RNLS: variants seen among roughly 807,000 people sequenced by gnomAD.
RNLS encodes renalase, FAD dependent amine oxidase.
A neutral mutation model predicts 39.8 loss-of-function variants in RNLS; 39 were observed. The ratio of observed to expected loss-of-function variants is 0.98; its 90% CI spans 0.76 to 1.28. RNLS has a LOEUF of 1.28. RNLS is among the 50% of genes most tolerant of loss of function. The probability of loss-of-function intolerance (pLI) is 0.00; values close to 1 mark genes in which losing one functional copy is unlikely to be tolerated. For missense variants in RNLS, 410 were observed against 413.3 expected, an observed-to-expected ratio of 0.99 and a Z score of 0.07; for synonymous variants, 147 against 150.7, an observed-to-expected ratio of 0.98 and a Z score of 0.18.
intron 5 of RNLS, among the ~76,000 whole-genome samples, chr10:88,356,296 C>T (rs1849178671): frequency 6.6e-6 from 1 of 152,200 alleles, no homozygotes; most frequent in African/African-American, 2.4e-5. Context: ...AATCACCTGT[C>T]TTCTGCGTTA....
the RNLS span, among the ~76,000 whole-genome samples, chr10:88,235,903 C>T: frequency 3.3e-5 from 5 of 151,932 alleles, no homozygotes. Flanking sequence ...GCTATCGCTG[C>T]TTACTCTAGC....
chr10:88,209,525 G>C, the RNLS span, among the ~76,000 whole-genome samples: 9 of 152,150 alleles, frequency 5.9e-5, no homozygotes, highest in Admixed American at 5.9e-4. Context: ...TTTAGAGAGA[G>C]AGCATGGCCT....
downstream of RNLS, among the ~76,000 whole-genome samples, chr10:88,273,196 C>T (rs1157878870): frequency 6.6e-6 from 1 of 152,196 alleles, no homozygotes; most frequent in Non-Finnish European, 1.5e-5. Flanking sequence ...CAATCACTTT[C>T]CTACTGCTGC....
chr10:88,551,665 G>A (rs997697069), intron 4 of RNLS, among the ~76,000 whole-genome samples: 1 of 151,896 alleles, frequency 6.6e-6, no homozygotes, highest in Non-Finnish European at 1.5e-5. Context: ...GGAAGAGACT[G>A]GAGAAAATGA....
Position 88,487,487 on chromosome 10 carries a change from A to C in RNLS, c.526+85416T>G, listed in dbSNP as rs141084246. Reference sequence around the variant, plus strand: ...ATAAGCACATGAAATAATGTTCTACATCATCAGTTATTACAGAAATATAAA... The same window carrying C: ...ATAAGCACATGAAATAATGTTCTACCTCATCAGTTATTACAGAAATATAAA... On this transcript the variant is annotated intron_variant, in intron 4 of 6. Transcript: ENST00000331772. Among the ~76,000 whole-genome samples the C allele has an allele frequency of 8.5e-3, 1,289 of 152,324 alleles. 11 individuals are homozygous for C. The highest frequency in any genetic ancestry group is 0.016 in the Admixed American group (246 of 15,280).
intron 4 of RNLS, among the ~76,000 whole-genome samples, chr10:88,518,281 G>A (rs1184418903): frequency 6.6e-6 from 1 of 151,696 alleles, no homozygotes; most frequent in East Asian, 1.9e-4. Flanking sequence ...GTAACCCACA[G>A]GCAAAATATA....
chr10:88,525,553 G>A (rs1308202640), intron 4 of RNLS, among the ~76,000 whole-genome samples: 1 of 152,020 alleles, frequency 6.6e-6, no homozygotes, highest in Non-Finnish European at 1.5e-5. Flanking sequence ...GTATGTAGTA[G>A]TGCAGTTACT....
rs114783127 is a variant in RNLS at position 88,328,365 on chromosome 10, T to C, written c.701-13724A>G. Among the ~76,000 whole-genome samples the C allele has an allele frequency of 8.9e-3, 1,358 of 152,306 alleles. 18 individuals are homozygous for C. The highest frequency in any genetic ancestry group is 0.027 in the African/African-American group (1,120 of 41,552). ...AATTTCTGCTTTCAGTCTTGACAAT[T>C]TTTGCTTTATATCTAAGTTAGGTTA... On this transcript the variant is annotated intron_variant, in intron 5 of 6. Transcript: ENST00000331772.
At chr10:88,325,008 C>G (rs976763720) in intron 5 of RNLS, among the ~76,000 whole-genome samples, 4 of 152,126 alleles carry the variant, frequency 2.6e-5, no homozygotes, top group Non-Finnish European at 5.9e-5. Context: ...TGATATTCCA[C>G]CATATGTATA....
the RNLS span, among the ~76,000 whole-genome samples, chr10:88,182,054 G>C: frequency 6.6e-6 from 1 of 152,082 alleles, no homozygotes; most frequent in Non-Finnish European, 1.5e-5. Context: ...GAAGGGTGTG[G>C]GGTAGGTCAA....
At chr10:88,560,689 C>T (rs1407911408) in intron 4 of RNLS, among the ~76,000 whole-genome samples, 1 of 151,918 alleles carries the variant, frequency 6.6e-6, no homozygotes, top group Non-Finnish European at 1.5e-5. Flanking sequence ...ACTGTTGAAC[C>T]CATGGGGACT....
intron 4 of RNLS, among the ~76,000 whole-genome samples, chr10:88,371,127 G>A (rs1347897118): frequency 1.3e-5 from 2 of 151,984 alleles, no homozygotes; most frequent in Non-Finnish European, 2.9e-5. Context: ...ATCCCTCTAA[G>A]CATCTGTTTT....
At chr10:88,224,040 A>T in the RNLS span, among the ~76,000 whole-genome samples, 1 of 150,038 alleles carries the variant, frequency 6.7e-6, no homozygotes, top group African/African-American at 2.5e-5. Flanking sequence ...GCACTCAGAA[A>T]AAAAAAAAAA....
intron 5 of RNLS, among the ~76,000 whole-genome samples, chr10:88,343,335 A>C (rs1043414386): frequency 1.3e-5 from 2 of 151,458 alleles, no homozygotes; most frequent in Non-Finnish European, 3.0e-5. Flanking sequence ...TTCAGATTGC[A>C]TATTGTGGTG....
intron 4 of RNLS, among the ~76,000 whole-genome samples, chr10:88,522,131 C>T (rs188510055): frequency 1.3e-5 from 2 of 152,184 alleles, no homozygotes; most frequent in Admixed American, 1.3e-4. Context: ...GGGGCCAATG[C>T]ACCCTTGCTT....
intron 4 of RNLS, among the ~76,000 whole-genome samples, chr10:88,500,899 C>A (rs1015183235): frequency 3.3e-5 from 5 of 151,840 alleles, no homozygotes; most frequent in African/African-American, 1.2e-4. Flanking sequence ...ATTTGCTTTC[C>A]CTTATCCTAA....
intron 4 of RNLS, among the ~76,000 whole-genome samples, chr10:88,521,807 T>C (rs777764353): frequency 3.3e-5 from 5 of 151,866 alleles, no homozygotes; most frequent in Non-Finnish European, 7.4e-5. Flanking sequence ...ACAGAGAGAA[T>C]AGAACACCAA....
At chr10:88,446,099 A>G (rs1842017422) in intron 4 of RNLS, among the ~76,000 whole-genome samples, 1 of 152,228 alleles carries the variant, frequency 6.6e-6, no homozygotes, top group Non-Finnish European at 1.5e-5. Context: ...AAGAACAGAA[A>G]TTATAACAAA....
chr10:88,398,923 CTT>C (rs1405562417), intron 4 of RNLS, among the ~76,000 whole-genome samples: 1 of 151,982 alleles, frequency 6.6e-6, no homozygotes, highest in Admixed American at 6.6e-5. Context: ...ACAAAGAACT[CTT>C]ATAATTCAAT....
Sources: allele counts gnomAD v4.1 joint callset (sites outside exome capture counted in the v4.1 genomes callset), GRCh38; gene constraint gnomAD v4.1.1; transcripts MANE v1.5; gene names NCBI Gene and HGNC (gene_info 2026-07-23, HGNC 2026-07-21).